FOXP1: variants seen among roughly 807,000 people sequenced by gnomAD.
FOXP1 encodes forkhead box P1.
Under a neutral mutation model 98.2 loss-of-function variants are expected in FOXP1, and 15 were observed. That is an observed-to-expected ratio of 0.15 (90% CI 0.10 to 0.24). The LOEUF (loss-of-function observed/expected upper bound fraction) is 0.24. Among genes scored for constraint, FOXP1 ranks in the 10% least tolerant of loss-of-function variants. The pLI is 1.00. For synonymous variants in FOXP1, 371 were observed against 314.5 expected (o/e 1.18, Z -1.90); for missense variants, 633 against 848.5 (o/e 0.75, Z 3.15).
intron 3 of FOXP1, among the ~76,000 whole-genome samples, chr3:71,410,527 T>G (rs1560445571): frequency 1.3e-5 from 2 of 152,364 alleles, no homozygotes; most frequent in East Asian, 3.9e-4. Context: ...CTATAAGCTG[T>G]GTCCTTATGA....
intron 6 of FOXP1, among the ~76,000 whole-genome samples, chr3:71,142,234 T>C (rs1026408297): frequency 6.6e-6 from 1 of 152,328 alleles, no homozygotes; most frequent in East Asian, 1.9e-4. Context: ...TGTCAATGTG[T>C]ACCATTTTTA....
At chr3:71,376,078 G>A (rs2079690019) in intron 3 of FOXP1, among the ~76,000 whole-genome samples, 1 of 152,048 alleles carries the variant, frequency 6.6e-6, no homozygotes, top group Non-Finnish European at 1.5e-5. Context: ...TGCTCACGGA[G>A]CAAATTTAAG....
chr3:71,368,182 TGG>T (rs2079052123), intron 3 of FOXP1, among the ~76,000 whole-genome samples: 1 of 152,170 alleles, frequency 6.6e-6, no homozygotes, highest in Non-Finnish European at 1.5e-5. Flanking sequence ...TGGAGTACAA[TGG>T]TGTGATCTCG....
chr3:71,202,215 T>G (rs1318662338), intron 5 of FOXP1, among the ~76,000 whole-genome samples: 1 of 152,240 alleles, frequency 6.6e-6, no homozygotes, highest in Non-Finnish European at 1.5e-5. Flanking sequence ...GAATCAGGTT[T>G]GTGAGAGTGC....
At chr3:71,578,939 G>A (rs1449575562) in intron 2 of FOXP1, among the ~76,000 whole-genome samples, 1 of 152,132 alleles carries the variant, frequency 6.6e-6, no homozygotes, top group East Asian at 1.9e-4. Context: ...ACATATTGCA[G>A]AAAATTGCCT....
intron 2 of FOXP1, among the ~76,000 whole-genome samples, chr3:71,555,362 G>T (rs924255886): frequency 1.3e-5 from 2 of 152,202 alleles, no homozygotes; most frequent in Non-Finnish European, 2.9e-5. Context: ...AGGGTTAGGA[G>T]AAAAGGGATT....
chr3:71,303,469 T>C (rs1025835101), intron 4 of FOXP1, among the ~76,000 whole-genome samples: 11 of 152,190 alleles, frequency 7.2e-5, no homozygotes, highest in African/African-American at 2.4e-4. Flanking sequence ...AAATGGCCTG[T>C]ACTCATTTGC....
At chr3:71,197,501 T>C (rs2063366658) in intron 6 of FOXP1, among the ~76,000 whole-genome samples, 1 of 152,186 alleles carries the variant, frequency 6.6e-6, no homozygotes, top group African/African-American at 2.4e-5. Flanking sequence ...CCCAGGTCCA[T>C]ACCTGTAAAA....
At chr3:71,518,555 A>G (rs1408589952) in intron 2 of FOXP1, among the ~76,000 whole-genome samples, 1 of 152,102 alleles carries the variant, frequency 6.6e-6, no homozygotes, top group Non-Finnish European at 1.5e-5. Context: ...GATATATACT[A>G]CTTCCAGGAC....
chr3:71,511,658 T>C (rs1174040846), intron 2 of FOXP1, among the ~76,000 whole-genome samples: 3 of 152,238 alleles, frequency 2.0e-5, no homozygotes, highest in African/African-American at 4.8e-5. Flanking sequence ...TTTTTGGTTT[T>C]CTTTTAGCTC....
intron 3 of FOXP1, among the ~76,000 whole-genome samples, chr3:71,380,257 G>C (rs773378206): frequency 5.3e-5 from 8 of 152,176 alleles, no homozygotes; most frequent in Admixed American, 1.3e-4. Context: ...GACTACCCAA[G>C]AACATCAGGT....
At chr3:71,540,662 C>T (rs945753054) in intron 2 of FOXP1, among the ~76,000 whole-genome samples, 1 of 152,146 alleles carries the variant, frequency 6.6e-6, no homozygotes, top group Admixed American at 6.5e-5. Context: ...ACAACAGAGA[C>T]CTGGAGATGT....
At chr3:71,225,425 C>T (rs544693268) in intron 5 of FOXP1, among the ~76,000 whole-genome samples, 1 of 152,196 alleles carries the variant, frequency 6.6e-6, no homozygotes, top group East Asian at 1.9e-4. Flanking sequence ...ATAATAAAAG[C>T]ATGTTAAACA....
chr3:70,991,926 TC>T (rs2040662861), intron 13 of FOXP1, among the ~76,000 whole-genome samples: 1 of 152,184 alleles, frequency 6.6e-6, no homozygotes, highest in Non-Finnish European at 1.5e-5. Flanking sequence ...TAGGTCTTAG[TC>T]TCCCTCCCTG....
intron 6 of FOXP1, among the ~76,000 whole-genome samples, chr3:71,186,797 C>T (rs1177887007): frequency 6.6e-6 from 1 of 152,200 alleles, no homozygotes; most frequent in Non-Finnish European, 1.5e-5. Context: ...CGAATGCTTC[C>T]TCAGTTTTGT....
chr3:71,073,027 T>A (rs1470317735), intron 7 of FOXP1, among the ~76,000 whole-genome samples: 1 of 152,248 alleles, frequency 6.6e-6, no homozygotes. Flanking sequence ...TCATCCTTCA[T>A]GAGGAAAAGC....
At chr3:70,999,856 T>C (rs1170109169) in intron 13 of FOXP1, among the ~76,000 whole-genome samples, 1 of 152,230 alleles carries the variant, frequency 6.6e-6, no homozygotes, top group African/African-American at 2.4e-5. Flanking sequence ...CATCGCTGTC[T>C]TGCATACAAA....
At chr3:71,331,442 G>A (rs2076301012) in intron 4 of FOXP1, among the ~76,000 whole-genome samples, 2 of 149,928 alleles carry the variant, frequency 1.3e-5, no homozygotes, top group Admixed American at 1.3e-4. Context: ...CTGCTCCACG[G>A]CACCCAGTCC....
At chr3:71,397,820 G>T (rs1394416772) in intron 3 of FOXP1, among the ~76,000 whole-genome samples, 1 of 152,160 alleles carries the variant, frequency 6.6e-6, no homozygotes, top group African/African-American at 2.4e-5. Flanking sequence ...AAGTTCCTAT[G>T]TCTAGTATAA....
Sources: gnomAD v4.1 joint callset for allele counts (sites outside exome capture counted in the v4.1 genomes callset) on GRCh38, gnomAD v4.1.1 for gene constraint, MANE v1.5 for transcripts, NCBI Gene and HGNC (gene_info 2026-07-23, HGNC 2026-07-21) for gene names.